The following RGS6 variants were observed in gnomAD, a reference collection of about 807,000 sequenced individuals.
The protein encoded by RGS6 is regulator of G-protein signaling 6.
Under a neutral mutation model 78.5 loss-of-function variants are expected in RGS6, and 30 were observed. The observed-to-expected ratio is 0.38, with a 90% CI of 0.29 to 0.52. The LOEUF is 0.52. Among genes scored for constraint, RGS6 ranks in the 20% least tolerant of loss-of-function variants. The pLI is 0.85. For synonymous variants in RGS6, 206 were observed against 206.0 expected (o/e 1.00, Z 0.00); for missense variants, 495 against 609.7 (o/e 0.81, Z 1.98).
chr14:72,585,906 A>G, the RGS6 span, among the ~76,000 whole-genome samples: 1 of 152,196 alleles, frequency 6.6e-6, no homozygotes, highest in Non-Finnish European at 1.5e-5. Context: ...AGAGTCTTCA[A>G]TCTGCTCTCT....
At chr14:72,384,935 A>G (rs1408246938) in intron 3 of RGS6, among the ~76,000 whole-genome samples, 2 of 152,090 alleles carry the variant, frequency 1.3e-5, no homozygotes, top group Non-Finnish European at 2.9e-5. Context: ...ATTTTTTAGT[A>G]GAGATGGGGT....
intron 8 of RGS6, among the ~76,000 whole-genome samples, chr14:72,471,431 G>A (rs1446745686): frequency 6.6e-6 from 1 of 152,216 alleles, no homozygotes; most frequent in East Asian, 1.9e-4. Flanking sequence ...AGTGGGACAG[G>A]AGCAGGAAAG....
At chr14:72,514,405 C>A (rs915423878) in intron 14 of RGS6, among the ~76,000 whole-genome samples, 1 of 152,174 alleles carries the variant, frequency 6.6e-6, no homozygotes, top group Non-Finnish European at 1.5e-5. Flanking sequence ...TGATCAAGGG[C>A]CAAATGGTTT....
rs1555390438 is a variant in RGS6 at position 71,936,030 on chromosome 14, A to ATATATATATACATATATATATATATATG, written c.-21+3099_-21+3100insCATATATATATATATATGTATATATATA. ...GAACTAATAGGATATATATATATAT[A>ATATATATATACATATATATATATATATG]TATATATATATGTACATATATATCA... On this transcript the variant is annotated intron_variant, in intron 1 of 17. Transcript: ENST00000553525. Among the ~76,000 whole-genome samples the ATATATATATACATATATATATATATATG allele has an allele frequency of 8.0e-4, 107 of 133,216 alleles. 4 individuals carry two copies. The highest frequency in any genetic ancestry group is 5.0e-3 in the Admixed American group (63 of 12,584). 87.4% of individuals were successfully genotyped at this position (133,216 alleles called of 152,430 possible). A position where few individuals can be genotyped will look rare whatever the true frequency, so the allele number is the denominator to read the frequency against.
Position 72,359,563 on chromosome 14 carries a change from G to C in RGS6, c.184+7369G>C, listed in dbSNP as rs1312120518. Among the ~76,000 whole-genome samples, 3 of 152,150 alleles carry C rather than the reference G, an allele frequency of 2.0e-5. No homozygotes were observed. The East Asian group carries it at 5.8e-4, about 29-fold the overall frequency. On this transcript the variant is annotated intron_variant, in intron 3 of 17. Coordinates refer to ENST00000553525, the MANE Select transcript of RGS6 (RefSeq NM_001204424.2). ...GCCATCAGCATGTAGACAGTATTTA[G>C]AGCCATAGGAATAATGAGGTCACCA... is the stretch of plus-strand genomic sequence containing the variant.
chr14:72,362,943 G>T (rs1350181441), intron 3 of RGS6, among the ~76,000 whole-genome samples: 4 of 152,166 alleles, frequency 2.6e-5, no homozygotes, highest in Non-Finnish European at 4.4e-5. Context: ...AGAGAAAATA[G>T]AATTTTCATA....
chr14:72,283,157 C>A (rs371378775), intron 2 of RGS6, among the ~76,000 whole-genome samples: 1 of 152,054 alleles, frequency 6.6e-6, no homozygotes, highest in Non-Finnish European at 1.5e-5. Flanking sequence ...ACTATATTTT[C>A]TTTATTCTTT....
chr14:72,558,390 C>T (rs750637158), intron 17 of RGS6, among the ~76,000 whole-genome samples: 2 of 152,220 alleles, frequency 1.3e-5, no homozygotes, highest in Non-Finnish European at 2.9e-5. Context: ...CTCTGAGCCA[C>T]AGCCCTCCTC....
chr14:72,311,334 C>T (rs895097419), intron 2 of RGS6, among the ~76,000 whole-genome samples: 1 of 152,280 alleles, frequency 6.6e-6, no homozygotes, highest in Middle Eastern at 3.4e-3. Context: ...CAGATTCTTA[C>T]ATTTTTTAAA....
rs186652188 is a variant in RGS6 at position 72,176,221 on chromosome 14, G to A, written c.85-175874G>A. On this transcript the variant is annotated intron_variant, in intron 2 of 17. Coordinates refer to ENST00000553525, the MANE Select transcript of RGS6 (RefSeq NM_001204424.2). ...GCAGTTTTTGAGGGAGAGGGGAAAA[G>A]CCTGAGTTTTGGAGAACTACATTTG... Among the ~76,000 whole-genome samples the A allele has an allele frequency of 3.9e-5, 6 of 152,328 alleles. No homozygotes were observed. The East Asian group carries it at 1.2e-3, about 29-fold the overall frequency.
rs1001989256 is a variant in RGS6, at chr14:72,016,042, G to A, written c.84+51167G>A. 5.3e-5 allele frequency among the ~76,000 whole-genome samples: 8 copies of A among 152,192 alleles called. No individual in the cohort carries two copies. The East Asian group carries it at 7.7e-4, about 15-fold the overall frequency. ...TTATGATGTCTCTAATTAAACAGCC[G>A]TGCTAAATTTTAATGTAATCATATT... is the stretch of plus-strand genomic sequence containing the variant. On this transcript the variant is annotated intron_variant, in intron 2 of 17. Transcript: ENST00000553525.
At chr14:72,121,188 G>A (rs1306603998) in intron 2 of RGS6, among the ~76,000 whole-genome samples, 2 of 152,176 alleles carry the variant, frequency 1.3e-5, no homozygotes, top group African/African-American at 4.8e-5. Flanking sequence ...TGGCTGTGAA[G>A]TATTAACTTG....
At chr14:72,432,953 G>A (rs994732701) in intron 3 of RGS6, among the ~76,000 whole-genome samples, 1 of 152,214 alleles carries the variant, frequency 6.6e-6, no homozygotes, top group South Asian at 2.1e-4. Flanking sequence ...TGGGGAGTAA[G>A]GATGATGAAG....
chr14:72,576,244 A>T, the RGS6 span, among the ~76,000 whole-genome samples: 1 of 152,194 alleles, frequency 6.6e-6, no homozygotes, highest in Non-Finnish European at 1.5e-5. Flanking sequence ...CAGTTTAGAC[A>T]TGTCTCTGTT....
intron 12 of RGS6, among the ~76,000 whole-genome samples, chr14:72,482,718 A>AAG (rs1364898306): frequency 6.6e-6 from 1 of 152,192 alleles, no homozygotes; most frequent in African/African-American, 2.4e-5. Context: ...GTGGGATTCC[A>AAG]AGAGAGAGAA....
chr14:72,532,960 A>T (rs908320098), intron 15 of RGS6, among the ~76,000 whole-genome samples: 2 of 152,260 alleles, frequency 1.3e-5, no homozygotes, highest in Admixed American at 1.3e-4. Flanking sequence ...AGATCTAGCT[A>T]AGATCATTGA....
At chr14:72,099,372 G>T (rs890814075) in intron 2 of RGS6, among the ~76,000 whole-genome samples, 2 of 152,066 alleles carry the variant, frequency 1.3e-5, no homozygotes, top group Non-Finnish European at 2.9e-5. Context: ...TGTTAGCCAG[G>T]ATGGTCTCGA....
intron 7 of RGS6, among the ~76,000 whole-genome samples, chr14:72,466,751 A>C (rs2095925221): frequency 6.6e-6 from 1 of 152,200 alleles, no homozygotes; most frequent in Non-Finnish European, 1.5e-5. Context: ...AGGTGATGGA[A>C]CTGTTCTGTA....
chr14:72,245,431 T>A (rs1286093954), intron 2 of RGS6, among the ~76,000 whole-genome samples: 1 of 152,258 alleles, frequency 6.6e-6, no homozygotes, highest in Non-Finnish European at 1.5e-5. Flanking sequence ...TTTCTATAGA[T>A]GTTAAATTAA....
Sources: allele counts gnomAD v4.1 joint callset (sites outside exome capture counted in the v4.1 genomes callset), GRCh38; gene constraint gnomAD v4.1.1; transcripts MANE v1.5; gene names NCBI Gene and HGNC (gene_info 2026-07-23, HGNC 2026-07-21).